KATNIP: variants seen among roughly 807,000 people sequenced by gnomAD.
KATNIP encodes katanin interacting protein.
Under a neutral mutation model 174.0 loss-of-function variants are expected in KATNIP, and 126 were observed. That is an observed-to-expected ratio of 0.72 (90% CI 0.63 to 0.84). The LOEUF (loss-of-function observed/expected upper bound fraction) is 0.84. Ranked by LOEUF, KATNIP falls within the 40% of genes least tolerant of loss-of-function variation. The pLI, the probability that KATNIP is intolerant of heterozygous loss-of-function variation, is 0.00. For synonymous variants in KATNIP, 810 were observed against 835.7 expected (o/e 0.97, Z 0.53); for missense variants, 1,958 against 2,109.7 (o/e 0.93, Z 1.41).
chr16:27,756,160 C>T (rs1448119149), intron 18 of KATNIP, among the ~76,000 whole-genome samples: 2 of 152,230 alleles, frequency 1.3e-5, no homozygotes, highest in African/African-American at 4.8e-5. Flanking sequence ...TCTCTATCAT[C>T]CCCTGTGAAA....
chr16:27,681,600 T>C (rs1017031742), intron 8 of KATNIP, 70 bp downstream of exon 8: 4 of 1,574,914 alleles, frequency 2.5e-6, no homozygotes, highest in Middle Eastern at 1.8e-4. Flanking sequence ...GGTGCCATGA[T>C]GGGAGGCCGC....
chr16:27,745,436 G>C (rs2081255980), intron 15 of KATNIP, among the ~76,000 whole-genome samples: 1 of 152,228 alleles, frequency 6.6e-6, no homozygotes, highest in Non-Finnish European at 1.5e-5. Context: ...TGGCCTCACA[G>C]CCCTGGAGTG....
chr16:27,662,077 CAT>C (rs1450430179), intron 6 of KATNIP, among the ~76,000 whole-genome samples: 1 of 60,718 alleles, frequency 1.6e-5, no homozygotes, highest in Non-Finnish European at 3.2e-5. Flanking sequence ...TATATACACA[CAT>C]ATATATATAC....
intron 24 of KATNIP, among the ~76,000 whole-genome samples, chr16:27,775,349 A>C (rs372774423): frequency 7.2e-5 from 11 of 152,142 alleles, no homozygotes; most frequent in East Asian, 5.8e-4. Flanking sequence ...CCCCAGCACA[A>C]CTGCCTGAGG....
intron 2 of KATNIP, among the ~76,000 whole-genome samples, chr16:27,575,303 A>G (rs2090458422): frequency 6.6e-6 from 1 of 152,198 alleles, no homozygotes; most frequent in Admixed American, 6.5e-5. Context: ...AGACATGAAT[A>G]AGGAAGGTTG....
At chr16:27,551,695 G>A (rs545586762) in intron 1 of KATNIP, among the ~76,000 whole-genome samples, 7 of 152,252 alleles carry the variant, frequency 4.6e-5, no homozygotes, top group Admixed American at 1.3e-4. Context: ...GACCAGCCTG[G>A]CCAACATGGT....
At chr16:27,749,555 C>T (rs766600527) in intron 15 of KATNIP, 29 bp from the exon 16 acceptor site, 2 of 1,517,330 alleles carry the variant, frequency 1.3e-6, no homozygotes, top group Admixed American at 2.3e-5. Context: ...ACTCACAGGG[C>T]TTCCCCCCTC....
intron 5 of KATNIP, among the ~76,000 whole-genome samples, chr16:27,645,412 G>A (rs905112598): frequency 3.3e-5 from 5 of 152,192 alleles, no homozygotes; most frequent in South Asian, 2.1e-4. Context: ...CAGGAATCAC[G>A]TAGCATGCCG....
In KATNIP at chr16:27,776,945, G is replaced by A; in HGVS notation, c.4467G>A (p.Val1489=). 1.2e-6 allele frequency: 2 copies of A among 1,613,048 alleles called. No homozygotes were observed. The highest frequency in any genetic ancestry group is 1.7e-6 in the Non-Finnish European group (2 of 1,179,026). The change falls in exon 25 of 28, where the codon GTG becomes GTA. Residue 1489 remains valine, a synonymous_variant. Coordinates refer to ENST00000261588, the MANE Select transcript of KATNIP (RefSeq NM_015202.5). This position sits in a 1 kb window ranked among gnomAD's most constrained non-coding sequence, Gnocchi z 4.7. The part of the protein sequence containing the change: ...ILPGLVNRVY[V]IFDLPTTVSM... ...TCTGACAGGTGAACCGGGTTTATGT[G>A]ATTTTCGATCTGCCTACCACCGTGT...
Position 27,661,911 on chromosome 16 carries a change from AATATATAT to A in KATNIP, c.540+13214_540+13221del, listed in dbSNP as rs55805859. On this transcript the variant is annotated intron_variant, in intron 6 of 27. Coordinates refer to ENST00000261588, the MANE Select transcript of KATNIP (RefSeq NM_015202.5). ...CAGGCACAAGCCACTGTGCCTGGCT[AATATATAT>A]ATATATATATATATATATATATATA... Among the ~76,000 whole-genome samples, 36 of 9,888 alleles carry A rather than the reference AATATATAT, an allele frequency of 3.6e-3. 1 individual carries two copies. The highest frequency in any genetic ancestry group is 0.031 in the East Asian group (9 of 290). 6.5% of individuals were successfully genotyped at this position (9,888 alleles called of 152,430 possible).
intron 6 of KATNIP, among the ~76,000 whole-genome samples, chr16:27,667,046 T>G (rs1419914797): frequency 6.6e-6 from 1 of 152,090 alleles, no homozygotes; most frequent in South Asian, 2.1e-4. Flanking sequence ...TGTTGCCATG[T>G]GTGGTGGTTT....
intron 5 of KATNIP, among the ~76,000 whole-genome samples, chr16:27,641,666 T>A (rs1204186492): frequency 6.6e-6 from 1 of 152,230 alleles, no homozygotes; most frequent in Non-Finnish European, 1.5e-5. Context: ...CCTGATCTTA[T>A]GCTATTGGAA....
chr16:27,560,580 C>G (rs1331912737), intron 1 of KATNIP, among the ~76,000 whole-genome samples: 1 of 152,214 alleles, frequency 6.6e-6, no homozygotes, highest in Non-Finnish European at 1.5e-5. Context: ...CTGGAGTACA[C>G]CGTCTTCTTT....
chr16:27,656,154 G>A (rs184043041), intron 6 of KATNIP, among the ~76,000 whole-genome samples: 61 of 152,162 alleles, frequency 4.0e-4, no homozygotes, highest in Middle Eastern at 3.4e-3. Context: ...AGCCAGGTGC[G>A]GTAGCTGATA....
At chr16:27,726,376 GC>G (rs1388578046) in intron 14 of KATNIP, among the ~76,000 whole-genome samples, 1 of 152,162 alleles carries the variant, frequency 6.6e-6, no homozygotes, top group Non-Finnish European at 1.5e-5. Flanking sequence ...TCCTGTATCT[GC>G]CCTGTTTGGT....
At chr16:27,601,380 G>A (rs1385456082) in intron 2 of KATNIP, among the ~76,000 whole-genome samples, 2 of 152,178 alleles carry the variant, frequency 1.3e-5, no homozygotes, top group African/African-American at 2.4e-5. Flanking sequence ...CCCTGGAAGA[G>A]GGGATGCTGC....
intron 1 of KATNIP, among the ~76,000 whole-genome samples, chr16:27,560,638 T>G (rs1210743095): frequency 6.6e-6 from 1 of 152,210 alleles, no homozygotes; most frequent in Admixed American, 6.5e-5. Flanking sequence ...AGCTGTGCCC[T>G]TCTTTCAAGT....
intron 5 of KATNIP, among the ~76,000 whole-genome samples, chr16:27,634,597 G>A (rs769540646): frequency 3.7e-4 from 57 of 152,132 alleles, no homozygotes; most frequent in Admixed American, 3.0e-3. Context: ...CTGGGACAGC[G>A]CTATGAAGAC....
chr16:27,764,687 C>T (rs535872534), intron 19 of KATNIP, among the ~76,000 whole-genome samples: 1 of 152,354 alleles, frequency 6.6e-6, no homozygotes, highest in Admixed American at 6.5e-5. Context: ...CTTCCTTTCA[C>T]TGTCGGCTAC....
Sources: allele counts gnomAD v4.1 joint callset (sites outside exome capture counted in the v4.1 genomes callset), GRCh38; gene constraint gnomAD v4.1.1; non-coding constraint Gnocchi (gnomAD v3.1); transcripts MANE v1.5; gene names NCBI Gene and HGNC (gene_info 2026-07-23, HGNC 2026-07-21).